VSNL1: variants seen among roughly 807,000 people sequenced by gnomAD.
The protein encoded by VSNL1 is visinin-like protein 1.
In VSNL1, 6 loss-of-function variants were observed where a neutral mutation model predicts 20.4. The ratio of observed to expected loss-of-function variants is 0.29; its 90% CI spans 0.16 to 0.58. VSNL1 has a LOEUF of 0.58. Among genes scored for constraint, VSNL1 ranks in the 20% least tolerant of loss-of-function variants. The pLI is 0.90. For synonymous variants in VSNL1, 93 were observed against 86.4 expected (o/e 1.08, Z -0.42); for missense variants, 100 against 234.5 (o/e 0.43, Z 3.75).
intron 2 of VSNL1, among the ~76,000 whole-genome samples, chr2:17,616,979 G>T (rs80311747): frequency 7.3e-6 from 1 of 136,186 alleles, no homozygotes; most frequent in Non-Finnish European, 1.7e-5. Flanking sequence ...TCGTCCCTTG[G>T]GGGGTTGGCC....
chr2:17,594,836 C>T (rs1250588241), intron 2 of VSNL1, among the ~76,000 whole-genome samples: 1 of 152,228 alleles, frequency 6.6e-6, no homozygotes, highest in Non-Finnish European at 1.5e-5. Flanking sequence ...GCCACAGTCT[C>T]CCAACTTTAA....
intron 1 of VSNL1, among the ~76,000 whole-genome samples, chr2:17,552,351 T>C (rs984072194): frequency 6.6e-6 from 1 of 152,234 alleles, no homozygotes; most frequent in African/African-American, 2.4e-5. Flanking sequence ...GAGATGAAAG[T>C]AATTTGCCCA....
At position 17,655,801 on chromosome 2, in the gene VSNL1, C is replaced by G. The variant is rs903100753; in HGVS notation, c.*407C>G. ...CATGGTAATGTAACTTAATTATAAG[C>G]TATGTCACTACCCTCCTGTAAAATA... On this transcript the variant is annotated 3_prime_UTR_variant, in exon 4 of 4. Coordinates refer to ENST00000295156, the MANE Select transcript of VSNL1 (RefSeq NM_003385.5). This position sits in a 1 kb window ranked among gnomAD's most constrained non-coding sequence, Gnocchi z 5.2. 4.5e-5 allele frequency: 8 copies of G among 179,312 alleles called. No homozygotes were observed. The highest frequency in any genetic ancestry group is 1.7e-4 in the African/African-American group (7 of 41,986). 11.1% of individuals were successfully genotyped at this position (179,312 alleles called of 1,614,324 possible).
chr2:17,604,624 G>T lies in VSNL1; in HGVS notation c.162+12388G>T, dbSNP rs560699805. Among the ~76,000 whole-genome samples the T allele has an allele frequency of 5.3e-5, 8 of 152,352 alleles. No individual in the cohort carries two copies. In the South Asian group the frequency reaches 1.7e-3, roughly 32 times the overall value. The stretch of plus-strand genomic sequence containing the variant: ...CGGTGTTCCCGTGAGAACCAGCTGG[G>T]CCTGGCTGCTACAGGTGGCCCCTGG... On this transcript the variant is annotated intron_variant, in intron 2 of 3. Transcript: ENST00000295156.
chr2:17,605,438 TGGTGCAG>T (rs1664923012), intron 2 of VSNL1, among the ~76,000 whole-genome samples: 1 of 152,230 alleles, frequency 6.6e-6, no homozygotes, highest in Non-Finnish European at 1.5e-5. Flanking sequence ...AGGCTGTCCC[TGGTGCAG>T]GCACCAGGGA....
At chr2:17,609,946 G>A (rs1468984101) in intron 2 of VSNL1, among the ~76,000 whole-genome samples, 2 of 152,236 alleles carry the variant, frequency 1.3e-5, no homozygotes, top group African/African-American at 4.8e-5. Context: ...AGCCCGGCAG[G>A]CTGTGCCACT....
At chr2:17,617,751 T>C (rs1278957567) in intron 2 of VSNL1, among the ~76,000 whole-genome samples, 1 of 152,164 alleles carries the variant, frequency 6.6e-6, no homozygotes, top group African/African-American at 2.4e-5. Context: ...GCTGTCTCCA[T>C]GGCAACTGCC....
chr2:17,623,796 CAT>C (rs1665441940), intron 2 of VSNL1, among the ~76,000 whole-genome samples: 2 of 151,462 alleles, frequency 1.3e-5, no homozygotes, highest in Non-Finnish European at 2.9e-5. Context: ...GAGAGTGGAA[CAT>C]AAATTCAGAT....
intron 2 of VSNL1, among the ~76,000 whole-genome samples, chr2:17,611,973 A>T (rs1164440903): frequency 1.3e-5 from 2 of 152,224 alleles, no homozygotes; most frequent in Non-Finnish European, 2.9e-5. Context: ...ATATCAGAAT[A>T]TATGATACAC....
chr2:17,589,321 G>A (rs902013988), intron 1 of VSNL1, among the ~76,000 whole-genome samples: 2 of 152,198 alleles, frequency 1.3e-5, no homozygotes, highest in East Asian at 1.9e-4. Context: ...CCTGAGCCAC[G>A]CTAAGGAGAT....
At chr2:17,572,348 A>G (rs957933530) in intron 1 of VSNL1, among the ~76,000 whole-genome samples, 1 of 152,188 alleles carries the variant, frequency 6.6e-6, no homozygotes, top group Non-Finnish European at 1.5e-5. Context: ...CGCATGCAGT[A>G]GGATAAATGA....
intron 2 of VSNL1, among the ~76,000 whole-genome samples, chr2:17,640,153 G>A (rs1164458651): frequency 2.6e-5 from 4 of 152,048 alleles, no homozygotes; most frequent in African/African-American, 9.7e-5. Flanking sequence ...AGGAGGCTGA[G>A]GGAGGAGAAT....
chr2:17,550,003 A>T (rs1663492186), intron 1 of VSNL1, among the ~76,000 whole-genome samples: 1 of 152,210 alleles, frequency 6.6e-6, no homozygotes, highest in Non-Finnish European at 1.5e-5. Flanking sequence ...TGGAAGACTT[A>T]CTTCTCTGAG....
chr2:17,617,076 T>C (rs780329833), intron 2 of VSNL1, among the ~76,000 whole-genome samples: 4 of 152,226 alleles, frequency 2.6e-5, no homozygotes, highest in Non-Finnish European at 4.4e-5. Context: ...TCTAAATTTA[T>C]GATCTCTCCA....
chr2:17,551,667 C>G (rs1356123707), intron 1 of VSNL1, among the ~76,000 whole-genome samples: 5 of 152,170 alleles, frequency 3.3e-5, no homozygotes, highest in African/African-American at 1.2e-4. Flanking sequence ...GATCTAGATC[C>G]AAGTCACCAA....
At chr2:17,591,497 A>G (rs1318793649) in intron 1 of VSNL1, among the ~76,000 whole-genome samples, 1 of 152,174 alleles carries the variant, frequency 6.6e-6, no homozygotes, top group Non-Finnish European at 1.5e-5. Flanking sequence ...TAATTATGAG[A>G]GGAGAAATAG....
intron 1 of VSNL1, among the ~76,000 whole-genome samples, chr2:17,579,428 C>A (rs1664298415): frequency 6.6e-6 from 1 of 152,160 alleles, no homozygotes; most frequent in African/African-American, 2.4e-5. Context: ...AAGCCCACTT[C>A]TTTCTATATA....
chr2:17,649,708 T>G lies in VSNL1; in HGVS notation c.378+83T>G, dbSNP rs930531105. On this transcript the variant is annotated intron_variant, in intron 3 of 3. Coordinates refer to ENST00000295156, the MANE Select transcript of VSNL1 (RefSeq NM_003385.5). This position sits in a 1 kb window ranked among gnomAD's most constrained non-coding sequence, Gnocchi z 6.4. ...CTCCTAGGTGCAGGCCTTAGTGGCT[T>G]CTTCTCTCTCTGCTCGAGCCCTGCC... 4.4e-5 allele frequency: 57 copies of G among 1,301,462 alleles called. No homozygotes were observed. The highest frequency in any genetic ancestry group is 6.1e-5 in the Non-Finnish European group (56 of 917,442). The allele number at this position is 1,301,462 out of a possible 1,614,324, so 80.6% of individuals were successfully genotyped here.
chr2:17,566,647 TTGTC>T (rs1285119386), intron 1 of VSNL1, among the ~76,000 whole-genome samples: 3 of 152,224 alleles, frequency 2.0e-5, no homozygotes, highest in South Asian at 2.1e-4. Context: ...TATTATCTCT[TTGTC>T]TGTCACTTAT....
Sources: gnomAD v4.1 joint callset for allele counts (sites outside exome capture counted in the v4.1 genomes callset) on GRCh38, gnomAD v4.1.1 for gene constraint, Gnocchi (gnomAD v3.1) non-coding constraint, MANE v1.5 for transcripts, NCBI Gene and HGNC (gene_info 2026-07-23, HGNC 2026-07-21) for gene names.